The following IFNAR2 variants were observed in gnomAD, a reference collection of about 807,000 sequenced individuals.
IFNAR2 encodes interferon alpha/beta receptor 2.
In IFNAR2, 30 loss-of-function variants were observed where a neutral mutation model predicts 49.4. The ratio of observed to expected loss-of-function variants is 0.61; its 90% CI spans 0.45 to 0.82. The LOEUF (loss-of-function observed/expected upper bound fraction) is 0.82. IFNAR2 is among the 40% of genes least tolerant of loss of function. The probability of loss-of-function intolerance (pLI) is 0.00; values close to 1 mark genes in which losing one functional copy is unlikely to be tolerated. For synonymous variants in IFNAR2, 224 were observed against 234.5 expected, an observed-to-expected ratio of 0.96 and a Z score of 0.41; for missense variants, 600 against 622.7, an observed-to-expected ratio of 0.96 and a Z score of 0.39.
rs147515136 is a variant in IFNAR2 at position 33,265,658 on chromosome 21, A to G, written c.*2158A>G. 41 of 227,404 alleles carry G rather than the reference A, an allele frequency of 1.8e-4. No individual in the cohort carries two copies. The highest frequency in any genetic ancestry group is 8.5e-4 in the African/African-American group (36 of 42,348). 14.1% of individuals were successfully genotyped at this position (227,404 alleles called of 1,614,324 possible). ...AAAGTAACACAACAGTACTTTTTTA[A>G]TACAAACTTGGTGTGGTCTTGAGTT... On this transcript the variant is annotated 3_prime_UTR_variant, in exon 9 of 9. Coordinates refer to ENST00000342136, the MANE Select transcript of IFNAR2 (RefSeq NM_001289125.3).
chr21:33,233,485 G>A (rs1409114267), intron 1 of IFNAR2, among the ~76,000 whole-genome samples: 1 of 152,240 alleles, frequency 6.6e-6, no homozygotes. Flanking sequence ...GAAGCACTAC[G>A]ATATCTTAAA....
chr21:33,263,255 C>G lies in IFNAR2; in HGVS notation c.1303C>G (p.Leu435Val), dbSNP rs1355601240. Residue 435 changes from leucine to valine, a missense_variant, in exon 9 of 9, where the codon CTT (leucine) becomes GTT (valine). Coordinates refer to ENST00000342136, the MANE Select transcript of IFNAR2 (RefSeq NM_001289125.3). The stretch of plus-strand genomic sequence containing the variant: ...CTTAAACTCTGTGTTTTTGAGAGTT[C>G]TTGATGACGAGGACAGTGACGACTT... ...VDLNSVFLRV[L>V]DDEDSDDLEA... The G allele has an allele frequency of 5.6e-6, 9 of 1,614,064 alleles. No homozygotes were observed. Among genetic ancestry groups the G allele is most frequent in the Non-Finnish European group, 7.6e-6 (9 of 1,180,042 alleles).
chr21:33,255,944 T>C (rs1601813140), intron 7 of IFNAR2, among the ~76,000 whole-genome samples: 1 of 152,230 alleles, frequency 6.6e-6, no homozygotes, highest in East Asian at 1.9e-4. Context: ...ATTCCACAGG[T>C]TTTTGAAGCT....
At chr21:33,260,054 A>G (rs1988460688) in intron 7 of IFNAR2, among the ~76,000 whole-genome samples, 1 of 152,230 alleles carries the variant, frequency 6.6e-6, no homozygotes, top group Admixed American at 6.5e-5. Flanking sequence ...CAAAAAGCTG[A>G]AATTTTCCAA....
At chr21:33,246,693 T>C (rs1987436284) in intron 4 of IFNAR2, 25 bp from the exon 5 acceptor site, 1 of 1,595,146 alleles carries the variant, frequency 6.3e-7, no homozygotes. Flanking sequence ...AACAATTTCC[T>C]TTTTCCATTT....
intron 1 of IFNAR2, chr21:33,234,746 C>T: frequency 3.0e-6 from 3 of 985,110 alleles, no homozygotes; most frequent in Non-Finnish European, 3.6e-6. Context: ...ACAGGGTGAA[C>T]CTGTGACAAA....
intron 4 of IFNAR2, 132 bp from the exon 5 acceptor site, chr21:33,246,586 T>C (rs1248745680): frequency 3.1e-6 from 2 of 648,776 alleles, no homozygotes; most frequent in South Asian, 2.0e-5. Context: ...AATAAGATGG[T>C]TGGGGAAGAT....
intron 2 of IFNAR2, 43 bp from the exon 3 acceptor site, chr21:33,243,630 C>G (rs1206733134): frequency 6.5e-7 from 1 of 1,545,150 alleles, no homozygotes; most frequent in Non-Finnish European, 8.9e-7. Flanking sequence ...AAGTTGAGCC[C>G]AGATAAAACT....
chr21:33,252,017 A>T, intron 6 of IFNAR2: 1 of 265,516 alleles, frequency 3.8e-6, no homozygotes. Flanking sequence ...CAGGAGGTGG[A>T]GGTTGCAGTG....
intron 5 of IFNAR2, among the ~76,000 whole-genome samples, chr21:33,248,088 T>C (rs2123489445): frequency 6.6e-6 from 1 of 152,270 alleles, no homozygotes; most frequent in Admixed American, 6.5e-5. Flanking sequence ...TACATAAATA[T>C]CCAGGTTTAG....
chr21:33,246,859 T>C lies in IFNAR2; in HGVS notation c.363T>C (p.Ser121=). The stretch of plus-strand genomic sequence containing the variant: ...TCAGCGGGAACACAACGTTGTTCAG[T>C]TGCTCACACAATTTCTGGCTGGCCA... ...EGFSGNTTLF[S]CSHNFWLAID... is the part of the protein sequence containing the mutation. Residue 121 remains serine (S), a synonymous_variant, in exon 5 of 9, where the codon AGT becomes AGC. Transcript: ENST00000342136. 1 of 1,614,200 alleles carries C rather than the reference T, an allele frequency of 6.2e-7. No homozygotes were observed. The highest frequency in any genetic ancestry group is 8.5e-7 in the Non-Finnish European group (1 of 1,180,010).
intron 1 of IFNAR2, among the ~76,000 whole-genome samples, chr21:33,234,051 T>C (rs1419028522): frequency 6.7e-6 from 1 of 149,864 alleles, no homozygotes; most frequent in Admixed American, 6.6e-5. Flanking sequence ...TTAATATCTT[T>C]CATAAGTTTT....
At chr21:33,236,375 T>C (rs6517154) in intron 1 of IFNAR2, among the ~76,000 whole-genome samples, 38,394 of 152,102 alleles carry the variant, frequency 0.25, 5,327 homozygotes, top group African/African-American at 0.35. Flanking sequence ...GCATCTCCCT[T>C]TCCCAAGCAC....
chr21:33,242,969 A>G (rs957489036), intron 2 of IFNAR2, among the ~76,000 whole-genome samples: 7 of 148,258 alleles, frequency 4.7e-5, no homozygotes, highest in Non-Finnish European at 1.0e-4. Context: ...TTGTATTTTT[A>G]GTAGAGACAA....
At position 33,236,697 on chromosome 21, in the gene IFNAR2, C is replaced by T. The variant is rs17860147; in HGVS notation, c.-83-5143C>T. The T allele has an allele frequency of 3.0e-4, 300 of 985,306 alleles. 2 individuals are homozygous for T. The African/African-American group carries it at 4.9e-3, about 16-fold the overall frequency. The allele number at this position is 985,306 out of a possible 1,614,324, so 61.0% of individuals were successfully genotyped here. ...GGCCTGGGATTCCTCTGCTGGGAGC[C>T]TAAACTGCAGGAGATGGGGAAGGAT... On this transcript the variant is annotated intron_variant, in intron 1 of 8. Coordinates refer to ENST00000342136, the MANE Select transcript of IFNAR2 (RefSeq NM_001289125.3).
At chr21:33,231,750 G>T in intron 1 of IFNAR2, 1 of 957,488 alleles carries the variant, frequency 1.0e-6, no homozygotes, top group Non-Finnish European at 1.2e-6. Flanking sequence ...GGTTTGGTTT[G>T]GTTTGGTTTT....
Position 33,246,708 on chromosome 21 carries a change from C to T in IFNAR2, c.222-10C>T, listed in dbSNP as rs1438996003. The T allele has an allele frequency of 1.9e-6, 3 of 1,596,168 alleles. No homozygotes were observed. Among genetic ancestry groups the T allele is most frequent in the Admixed American group, 1.8e-5 (1 of 55,012 alleles). On this transcript the variant is annotated splice_polypyrimidine_tract_variant and intron_variant, in intron 4 of 8. Coordinates refer to ENST00000342136, the MANE Select transcript of IFNAR2 (RefSeq NM_001289125.3). ...AACAATTTCCTTTTTCCATTTTTTT[C>T]TTTCCAAAGTAAACCAGAAGATTTG...
intron 8 of IFNAR2, among the ~76,000 whole-genome samples, chr21:33,261,885 A>G (rs887643410): frequency 9.2e-5 from 14 of 152,140 alleles, no homozygotes; most frequent in African/African-American, 3.4e-4. Flanking sequence ...CTAAAAATAT[A>G]TAAATATCTT....
At chr21:33,232,438 C>T (rs2123437411) in intron 1 of IFNAR2, among the ~76,000 whole-genome samples, 1 of 152,226 alleles carries the variant, frequency 6.6e-6, no homozygotes, top group South Asian at 2.1e-4. Flanking sequence ...AAAATTTTCT[C>T]TGGCCCTAAC....
Sources: gnomAD v4.1 joint callset for allele counts (sites outside exome capture counted in the v4.1 genomes callset) on GRCh38, gnomAD v4.1.1 for gene constraint, MANE v1.5 for transcripts, NCBI Gene and HGNC (gene_info 2026-07-23, HGNC 2026-07-21) for gene names.